Variants in EEF2 observed in about 807,000 individuals in gnomAD.
EEF2 encodes the protein eukaryotic translation elongation factor 2, also known as elongation factor 2.
A neutral mutation model predicts 85.3 loss-of-function variants in EEF2; 21 were observed. The ratio of observed to expected loss-of-function variants is 0.25; its 90% CI spans 0.17 to 0.35. The LOEUF (loss-of-function observed/expected upper bound fraction) is 0.35, where lower values mean the gene tolerates loss of function less well. Among genes scored for constraint, EEF2 ranks in the 10% least tolerant of loss-of-function variants. EEF2 has a pLI of 1.00. For missense variants in EEF2, 825 were observed against 1,225.3 expected (o/e 0.67, Z 4.88); for synonymous variants, 723 against 508.8 (o/e 1.42, Z -5.67).
rs774095261 is a variant in EEF2 at position 3,985,425 on chromosome 19, C to T, written c.-45G>A. On this transcript the variant is annotated 5_prime_UTR_variant, in exon 1 of 15. Transcript: ENST00000309311. ...TTCTCCCAGGTAGAACCGAAAGAAG[C>T]GAGTCGCGCCGAGGATGGCGGCGAC... The T allele has an allele frequency of 4.8e-6, 7 of 1,464,860 alleles. No homozygotes were observed. The East Asian group carries it at 8.2e-5, about 17-fold the overall frequency. 90.7% of individuals were successfully genotyped at this position (1,464,860 alleles called of 1,614,324 possible).
At chr19:3,982,540 G>C (rs749750372) in intron 4 of EEF2, 116 bp from the exon 5 acceptor site, 1 of 1,351,660 alleles carries the variant, frequency 7.4e-7, no homozygotes, top group Middle Eastern at 1.8e-4. Flanking sequence ...TAGACATCTG[G>C]TCAAAGTGAA....
chr19:3,979,011 CCA>C (rs2039711329), intron 11 of EEF2, among the ~76,000 whole-genome samples: 1 of 151,528 alleles, frequency 6.6e-6, no homozygotes, highest in East Asian at 1.9e-4. Context: ...GCCTGTAGTC[CCA>C]GTTACTCAGG....
Position 3,981,960 on chromosome 19 carries a change from T to C in EEF2, c.884A>G (p.Asp295Gly), listed in dbSNP as rs1231921301. 2.5e-6 allele frequency: 4 copies of C among 1,613,686 alleles called. No individual in the cohort carries two copies. The highest frequency in any genetic ancestry group is 3.4e-6 in the Non-Finnish European group (4 of 1,179,938). The stretch of plus-strand genomic sequence containing the variant: ...GCCCTCACTCACCTTGAAGATGGGG[T>C]CCAGGATCAGCTGGCAGAAGGTGCG... Reference protein sequence around the residue: ...LPRTFCQLILDPIFKVFDAIM... With the variant: ...LPRTFCQLILGPIFKVFDAIM... Residue 295 changes from aspartate (D) to glycine (G), a missense_variant, in exon 6 of 15, where the codon GAC becomes GGC. Transcript: ENST00000309311.
rs778327793 is a variant in EEF2, at chr19:3,978,185, G to A, written c.1714-13C>T. Reference sequence around the variant, plus strand: ...CCGGGTCAGATTTCTGCAAAAAGAGGTTAAGTCCCACTCTTGCCTGGAGAA... The same window carrying A: ...CCGGGTCAGATTTCTGCAAAAAGAGATTAAGTCCCACTCTTGCCTGGAGAA... On this transcript the variant is annotated splice_polypyrimidine_tract_variant and intron_variant, in intron 11 of 14. Transcript: ENST00000309311. 4.1e-5 allele frequency: 59 copies of A among 1,440,876 alleles called. 1 individual carries two copies. The highest frequency in any genetic ancestry group is 2.8e-4 in the South Asian group (18 of 65,172). 89.3% of individuals were successfully genotyped at this position (1,440,876 alleles called of 1,614,324 possible).
intron 7 of EEF2, 132 bp downstream of exon 7, chr19:3,981,207 G>A (rs2039741654): frequency 9.3e-7 from 1 of 1,079,116 alleles, no homozygotes; most frequent in Admixed American, 2.4e-5. Flanking sequence ...GCAGCACCCA[G>A]AGTCTAAAGC....
rs747080912 is a variant in EEF2, at chr19:3,984,313, T to C, written c.41A>G (p.Asp14Gly). 1 of 1,614,188 alleles carries C rather than the reference T, an allele frequency of 6.2e-7. No individual in the cohort carries two copies. The highest frequency in any genetic ancestry group is 1.7e-5 in the Admixed American group (1 of 60,028). Residue 14 changes from aspartate to glycine, a missense_variant, in exon 2 of 15, where the codon GAC (aspartate) becomes GGC (glycine). Physicochemically the swap from Asp to Gly is moderately conservative, Grantham distance 94 (BLOSUM62 -1). Coordinates refer to ENST00000309311, the MANE Select transcript of EEF2 (RefSeq NM_001961.4). ...CATGTTGCGGATGTTGGCCTTCTTG[T>C]CCATGATGGCGCGGATCTGGTCTAC... ...FTVDQIRAIM[D>G]KKANIRNMSV...
At chr19:3,985,180 G>A (rs372633087) in intron 1 of EEF2, 198 bp downstream of exon 1, 101 of 537,258 alleles carry the variant, frequency 1.9e-4, no homozygotes, top group African/African-American at 1.7e-3. Context: ...TGGCGCCCTC[G>A]GAAACGGAGA....
intron 7 of EEF2, 75 bp downstream of exon 7, chr19:3,981,264 A>G (rs2039742419): frequency 2.1e-6 from 3 of 1,440,186 alleles, no homozygotes; most frequent in East Asian, 4.5e-5. Context: ...TTCAGCCCCC[A>G]GGCCTGGGCT....
In EEF2 at chr19:3,978,121, C is replaced by T. The variant is rs35987350; in HGVS notation, c.1765G>A (p.Val589Met). 2.5e-5 allele frequency: 37 copies of T among 1,501,258 alleles called. No homozygotes were observed. The highest frequency in any genetic ancestry group is 4.2e-5 in the African/African-American group (3 of 72,114). The allele number at this position is 1,501,258 out of a possible 1,614,324, so 93.0% of individuals were successfully genotyped here. A position where few individuals can be genotyped will look rare whatever the true frequency, so the allele number is the denominator to read the frequency against. ...TTGGGGGACTTGGAGAGGCAGAGCA[C>T]GTTCGACTCTTCACTGACCGTCTCG... The part of the protein sequence containing the change: ...YRETVSEESN[V>M]LCLSKSPNKH... The change falls in exon 12 of 15, where the codon GTG (valine) becomes ATG (methionine). Residue 589 changes from valine (V) to methionine (M), a missense_variant. Transcript: ENST00000309311.
rs779501154 is a variant in EEF2, at chr19:3,977,371, G to A, written c.2251-24C>T. On this transcript the variant is annotated intron_variant, in intron 13 of 14. Coordinates refer to ENST00000309311, the MANE Select transcript of EEF2 (RefSeq NM_001961.4). The surrounding 1 kb of genome is among the most constrained non-coding windows in gnomAD (Gnocchi z 5.4). ...CACTGCCAGAAGGGAAAGAAAACCT[G>A]TCAGTGGCCGCTGGGCAGGACGGTG... The A allele has an allele frequency of 6.3e-7, 1 of 1,590,946 alleles. No homozygotes were observed. The highest frequency in any genetic ancestry group is 2.3e-5 in the East Asian group (1 of 44,048).
intron 2 of EEF2, 162 bp downstream of exon 2, chr19:3,983,974 C>A: frequency 1.4e-6 from 1 of 739,346 alleles, no homozygotes. Flanking sequence ...CTGTGCCTCT[C>A]CATCCTGTCT....
chr19:3,979,479 G>A (rs879586310), intron 10 of EEF2, 43 bp from the exon 11 acceptor site: 2 of 1,542,588 alleles, frequency 1.3e-6, no homozygotes, highest in Non-Finnish European at 1.8e-6. Flanking sequence ...AGGCGGCTCG[G>A]AACAGGCGGG....
chr19:3,977,233 G>A lies in EEF2; in HGVS notation c.2365C>T (p.Pro789Ser). The A allele has an allele frequency of 1.2e-6, 2 of 1,613,654 alleles. No individual in the cohort carries two copies. The highest frequency in any genetic ancestry group is 1.7e-6 in the Non-Finnish European group (2 of 1,179,918). The part of the protein sequence containing the change: ...TPMFVVKAYL[P>S]VNESFGFTAD... ...CACTCACCAAAGGACTCGTTGACGG[G>A]CAGATAGGCCTTGACCACAAACATG... is the stretch of plus-strand genomic sequence containing the variant. Residue 789 changes from proline to serine, a missense_variant, in exon 14 of 15, where the codon CCC becomes TCC. Coordinates refer to ENST00000309311, the MANE Select transcript of EEF2 (RefSeq NM_001961.4). The surrounding 1 kb of genome is among the most constrained non-coding windows in gnomAD (Gnocchi z 5.4).
At position 3,977,029 on chromosome 19, in the gene EEF2, A is replaced by C. The variant is rs1159712732; in HGVS notation, c.2383+186T>G. On this transcript the variant is annotated intron_variant, in intron 14 of 14. Coordinates refer to ENST00000309311, the MANE Select transcript of EEF2 (RefSeq NM_001961.4). This position sits in a 1 kb window ranked among gnomAD's most constrained non-coding sequence, Gnocchi z 5.4. Reference sequence around the variant, plus strand: ...GAGCCCTTCTCACACTGGGGATAGGAGAGCCCCTCCCCTGGGAATTCAGTG... The same window carrying C: ...GAGCCCTTCTCACACTGGGGATAGGCGAGCCCCTCCCCTGGGAATTCAGTG... Among the ~76,000 whole-genome samples the C allele has an allele frequency of 1.3e-5, 2 of 152,210 alleles. No individual in the cohort carries two copies. The highest frequency in any genetic ancestry group is 2.9e-5 in the Non-Finnish European group (2 of 68,038).
At chr19:3,982,087 G>T in intron 5 of EEF2, 35 bp from the exon 6 acceptor site, 1 of 1,610,346 alleles carries the variant, frequency 6.2e-7, no homozygotes, top group Non-Finnish European at 8.5e-7. Context: ...TCAAGTTAGG[G>T]TCTCCAGGGG....
At chr19:3,980,760 C>T in intron 8 of EEF2, 51 bp from the exon 9 acceptor site, 1 of 1,599,720 alleles carries the variant, frequency 6.3e-7, no homozygotes, top group Non-Finnish European at 8.5e-7. Context: ...GCTCAGCCTT[C>T]TGGAACCCTG....
In EEF2 at chr19:3,984,229, T is replaced by C; in HGVS notation, c.125A>G (p.Lys42Arg). 1 of 1,614,122 alleles carries C rather than the reference T, an allele frequency of 6.2e-7. No homozygotes were observed. Among genetic ancestry groups the C allele is most frequent in the East Asian group, 2.2e-5 (1 of 44,876 alleles). ...CCGGGCCGAGGCGATGATGCCCGCC[T>C]TGCACACCAGGGAGTCTGTCAGCGT... is the stretch of plus-strand genomic sequence containing the variant. The part of the protein sequence containing the change: ...KSTLTDSLVC[K>R]AGIIASARAG... The change falls in exon 2 of 15, where the codon AAG (lysine) becomes AGG (arginine). Residue 42 changes from lysine to arginine, a missense_variant. Transcript: ENST00000309311.
chr19:3,983,423 C>T (rs2039780228), intron 2 of EEF2, 132 bp from the exon 3 acceptor site: 1 of 955,104 alleles, frequency 1.0e-6, no homozygotes, highest in South Asian at 1.7e-5. Context: ...AAGAGCCAAC[C>T]CACCCTTGTC....
intron 11 of EEF2, among the ~76,000 whole-genome samples, chr19:3,978,887 C>T (rs946363968): frequency 6.9e-6 from 1 of 145,412 alleles, no homozygotes; most frequent in Non-Finnish European, 1.5e-5. Context: ...TTTGGGAGGC[C>T]GAGGCAGGGG....
Sources: gnomAD v4.1 joint callset for allele counts (sites outside exome capture counted in the v4.1 genomes callset) on GRCh38, gnomAD v4.1.1 for gene constraint, Gnocchi (gnomAD v3.1) non-coding constraint, MANE v1.5 for transcripts, NCBI Gene and HGNC (gene_info 2026-07-23, HGNC 2026-07-21) for gene names.